The following ERICH3 variants were observed in gnomAD, a reference collection of about 807,000 sequenced individuals.
The protein encoded by ERICH3 is glutamate rich 3, also known as glutamate-rich protein 3.
Under a neutral mutation model 131.1 loss-of-function variants are expected in ERICH3, and 126 were observed. That is an observed-to-expected ratio of 0.96 (90% CI 0.83 to 1.11). ERICH3 has a LOEUF of 1.11. ERICH3 is among the 50% of genes most tolerant of loss of function. ERICH3 has a pLI of 0.00. For synonymous variants in ERICH3, 695 were observed against 644.6 expected, an observed-to-expected ratio of 1.08 and a Z score of -1.18; for missense variants, 2,050 against 1,810.7, an observed-to-expected ratio of 1.13 and a Z score of -2.40.
intron 10 of ERICH3, among the ~76,000 whole-genome samples, chr1:74,606,347 T>C (rs1648391146): frequency 6.6e-6 from 1 of 151,868 alleles, no homozygotes; most frequent in African/African-American, 2.4e-5. Flanking sequence ...CTAACTCACA[T>C]TGACATGTAC....
intron 10 of ERICH3, among the ~76,000 whole-genome samples, chr1:74,604,542 G>T (rs1296737082): frequency 6.6e-6 from 1 of 151,826 alleles, no homozygotes; most frequent in Non-Finnish European, 1.5e-5. Flanking sequence ...TAAAGAATAA[G>T]ATCTAAAATT....
chr1:74,671,369 A>G (rs1646741666), intron 1 of ERICH3, among the ~76,000 whole-genome samples: 1 of 152,150 alleles, frequency 6.6e-6, no homozygotes, highest in Non-Finnish European at 1.5e-5. Flanking sequence ...TTTGAAGCAT[A>G]TGATCTTTGT....
At chr1:74,655,987 C>T (rs1646580264) in intron 1 of ERICH3, among the ~76,000 whole-genome samples, 1 of 152,138 alleles carries the variant, frequency 6.6e-6, no homozygotes, top group South Asian at 2.1e-4. Context: ...TTTCCCAGTT[C>T]CTTCACTTTT....
At chr1:74,663,346 A>T (rs540757924) in intron 1 of ERICH3, among the ~76,000 whole-genome samples, 6 of 152,284 alleles carry the variant, frequency 3.9e-5, no homozygotes, top group African/African-American at 1.4e-4. Flanking sequence ...GTCACACAAC[A>T]ACTATCTGGC....
intron 1 of ERICH3, among the ~76,000 whole-genome samples, chr1:74,672,138 A>G (rs552605): frequency 0.031 from 4,686 of 152,274 alleles, 233 homozygotes; most frequent in African/African-American, 0.11. Context: ...GTCTAATCAG[A>G]TTCTAACTAG....
intron 10 of ERICH3, among the ~76,000 whole-genome samples, chr1:74,600,721 C>T (rs905233103): frequency 2.6e-5 from 4 of 151,758 alleles, no homozygotes; most frequent in African/African-American, 9.7e-5. Flanking sequence ...TTAACTGTTC[C>T]CCTTTTTCTT....
intron 1 of ERICH3, among the ~76,000 whole-genome samples, chr1:74,652,957 C>T (rs191137441): frequency 2.0e-5 from 3 of 152,304 alleles, no homozygotes; most frequent in African/African-American, 7.2e-5. Flanking sequence ...TGTCTCCATG[C>T]TGGTTCCTGT....
intron 12 of ERICH3, among the ~76,000 whole-genome samples, chr1:74,579,093 T>A (rs1647129809): frequency 6.6e-6 from 1 of 152,186 alleles, no homozygotes; most frequent in Non-Finnish European, 1.5e-5. Flanking sequence ...ACTATCAAGT[T>A]TTCATTTTAG....
intron 1 of ERICH3, among the ~76,000 whole-genome samples, chr1:74,668,677 A>C (rs1646713912): frequency 6.6e-6 from 1 of 152,206 alleles, no homozygotes; most frequent in Non-Finnish European, 1.5e-5. Context: ...TAAGAGAAGA[A>C]AAGACATATA....
At chr1:74,576,014 G>A (rs1557662135) in intron 13 of ERICH3, among the ~76,000 whole-genome samples, 1 of 152,154 alleles carries the variant, frequency 6.6e-6, no homozygotes, top group Non-Finnish European at 1.5e-5. Context: ...ATTTGATGAA[G>A]TGGAATGAGT....
intron 11 of ERICH3, among the ~76,000 whole-genome samples, chr1:74,597,915 T>C (rs925899873): frequency 3.9e-5 from 6 of 151,980 alleles, no homozygotes; most frequent in Non-Finnish European, 8.8e-5. Flanking sequence ...CCTGTATCTA[T>C]CCTCTGAACA....
At chr1:74,608,565 G>T (rs1490836471) in intron 9 of ERICH3, among the ~76,000 whole-genome samples, 2 of 151,954 alleles carry the variant, frequency 1.3e-5, no homozygotes, top group Non-Finnish European at 2.9e-5. Context: ...CAAAGGAATT[G>T]ATCTTAATAA....
chr1:74,590,102 A>G (rs2100561777), intron 11 of ERICH3, 22 bp from the exon 12 acceptor site: 1 of 1,528,598 alleles, frequency 6.5e-7, no homozygotes, highest in East Asian at 2.3e-5. Flanking sequence ...AAAAGTGATG[A>G]CATTGTTGTT....
At chr1:74,599,953 T>C (rs1423490046) in intron 10 of ERICH3, 22 bp from the exon 11 acceptor site, 1 of 1,550,716 alleles carries the variant, frequency 6.4e-7, no homozygotes. Flanking sequence ...AAATCTCCAC[T>C]ATAAGAATGA....
At chr1:74,662,014 C>T (rs148848311) in intron 1 of ERICH3, among the ~76,000 whole-genome samples, 76 of 152,228 alleles carry the variant, frequency 5.0e-4, no homozygotes, top group African/African-American at 1.7e-3. Flanking sequence ...TTTATTCATT[C>T]GTTCTTTGAA....
At chr1:74,614,218 G>A (rs1648834339) in intron 8 of ERICH3, among the ~76,000 whole-genome samples, 1 of 152,086 alleles carries the variant, frequency 6.6e-6, no homozygotes, top group African/African-American at 2.4e-5. Context: ...ACATGTTTGT[G>A]AAATCCATAA....
intron 7 of ERICH3, among the ~76,000 whole-genome samples, chr1:74,631,317 G>T (rs550683559): frequency 4.1e-4 from 62 of 152,102 alleles, no homozygotes; most frequent in Non-Finnish European, 7.7e-4. Flanking sequence ...ACAGTAATTT[G>T]CCATAAATTG....
intron 11 of ERICH3, chr1:74,592,344 T>C (rs773871030): frequency 3.9e-5 from 6 of 152,296 alleles, no homozygotes; most frequent in Non-Finnish European, 7.4e-5. Context: ...ATCTTATTTG[T>C]ATCCGTTCAG....
intron 8 of ERICH3, 127 bp downstream of exon 8, chr1:74,620,607 G>T: frequency 1.3e-6 from 1 of 749,542 alleles, no homozygotes. Context: ...TTAGGCAGCT[G>T]GTTTATAAGT....
Sources: allele counts gnomAD v4.1 joint callset (sites outside exome capture counted in the v4.1 genomes callset), GRCh38; gene constraint gnomAD v4.1.1; transcripts MANE v1.5; gene names NCBI Gene and HGNC (gene_info 2026-07-23, HGNC 2026-07-21).